The following MTFR1 variants were observed in gnomAD, a reference collection of about 807,000 sequenced individuals.
MTFR1 encodes the protein mitochondrial fission regulator 1.
Under a neutral mutation model 38.8 loss-of-function variants are expected in MTFR1, and 28 were observed. The observed-to-expected ratio is 0.72, with a 90% CI of 0.53 to 0.99. MTFR1 has a LOEUF of 0.99. Ranked by LOEUF, MTFR1 falls within the 50% of genes least tolerant of loss-of-function variation. The probability of loss-of-function intolerance (pLI) is 0.00; values close to 1 mark genes in which losing one functional copy is unlikely to be tolerated. For synonymous variants in MTFR1, 145 were observed against 137.0 expected (o/e 1.06, Z -0.41); for missense variants, 358 against 395.5 (o/e 0.91, Z 0.81).
At chr8:65,731,310 C>T (rs1452667890) in intron 3 of MTFR1, among the ~76,000 whole-genome samples, 1 of 152,078 alleles carries the variant, frequency 6.6e-6, no homozygotes, top group Non-Finnish European at 1.5e-5. Flanking sequence ...ATGCGGGGGC[C>T]AGGGAGGGAC....
intron 3 of MTFR1, among the ~76,000 whole-genome samples, chr8:65,720,754 G>A (rs1464723726): frequency 6.6e-6 from 1 of 152,194 alleles, no homozygotes; most frequent in African/African-American, 2.4e-5. Flanking sequence ...CTGGTGAGGA[G>A]AAAGAGATAA....
downstream of MTFR1, among the ~76,000 whole-genome samples, chr8:65,713,937 C>T (rs1806031034): frequency 6.6e-6 from 1 of 152,054 alleles, no homozygotes; most frequent in Non-Finnish European, 1.5e-5. Flanking sequence ...ATCTGTCCGC[C>T]TCAGCCTCCC....
chr8:65,695,726 G>T (rs1003200005), intron 4 of MTFR1, among the ~76,000 whole-genome samples: 2 of 152,128 alleles, frequency 1.3e-5, no homozygotes, highest in African/African-American at 4.8e-5. Context: ...GTCTAGTCTG[G>T]AATATATTAT....
chr8:65,675,366 C>A (rs1804683027), intron 2 of MTFR1, among the ~76,000 whole-genome samples: 1 of 151,712 alleles, frequency 6.6e-6, no homozygotes, highest in South Asian at 2.1e-4. Flanking sequence ...GAGGCCGAGG[C>A]GGGTGGATCA....
intron 3 of MTFR1, among the ~76,000 whole-genome samples, chr8:65,740,962 A>C (rs1451140635): frequency 6.6e-6 from 1 of 152,206 alleles, no homozygotes; most frequent in Admixed American, 6.5e-5. Context: ...TGCTACACGC[A>C]ATGGGGACTG....
At chr8:65,679,018 A>G (rs2129053013) in intron 2 of MTFR1, among the ~76,000 whole-genome samples, 1 of 152,350 alleles carries the variant, frequency 6.6e-6, no homozygotes, top group South Asian at 2.1e-4. Flanking sequence ...GAAGAATGCT[A>G]AAAGCAGGCA....
intron 3 of MTFR1, among the ~76,000 whole-genome samples, chr8:65,732,251 G>A (rs910076477): frequency 2.0e-5 from 3 of 151,724 alleles, no homozygotes; most frequent in South Asian, 2.1e-4. Flanking sequence ...CACCAGCCTC[G>A]GCCTCCCAAA....
chr8:65,761,057 GT>G (rs561461159), intron 3 of MTFR1, among the ~76,000 whole-genome samples: 2 of 151,220 alleles, frequency 1.3e-5, no homozygotes, highest in Non-Finnish European at 3.0e-5. Context: ...TACCAATATT[GT>G]TTTTTCTTTT....
chr8:65,697,699 G>T (rs1805486187), intron 4 of MTFR1, among the ~76,000 whole-genome samples: 1 of 152,180 alleles, frequency 6.6e-6, no homozygotes, highest in South Asian at 2.1e-4. Context: ...TCAAGAAACT[G>T]ACAAGCTGTT....
intron 2 of MTFR1, chr8:65,679,743 C>G (rs1001957654): frequency 2.0e-5 from 3 of 152,138 alleles, no homozygotes; most frequent in Non-Finnish European, 4.4e-5. Flanking sequence ...GTAGAACTTG[C>G]GAGGCTTCCC....
intron 3 of MTFR1, among the ~76,000 whole-genome samples, chr8:65,751,651 C>T (rs1364038465): frequency 2.6e-5 from 4 of 152,122 alleles, no homozygotes; most frequent in Admixed American, 2.6e-4. Flanking sequence ...GGCCACCACA[C>T]CCAGCTAATT....
Position 65,652,803 on chromosome 8 carries a change from A to G in MTFR1, c.-81+8019A>G, listed in dbSNP as rs547510193. 3.9e-5 allele frequency among the ~76,000 whole-genome samples: 6 copies of G among 152,340 alleles called. No individual in the cohort carries two copies. In the East Asian group the frequency reaches 1.2e-3, roughly 29 times the overall value. On this transcript the variant is annotated intron_variant, in intron 1 of 7. Transcript: ENST00000262146. Reference sequence around the variant, plus strand: ...CAAATACAAGATTACATCATCTGTAAACAAGGATAATTTGACTTCTTCCTT... The same window carrying G: ...CAAATACAAGATTACATCATCTGTAGACAAGGATAATTTGACTTCTTCCTT...
intron 3 of MTFR1, among the ~76,000 whole-genome samples, chr8:65,766,183 T>A (rs947692089): frequency 6.6e-6 from 1 of 152,182 alleles, no homozygotes; most frequent in African/African-American, 2.4e-5. Flanking sequence ...TGACCTCAGG[T>A]GATCCACCCG....
intron 1 of MTFR1, among the ~76,000 whole-genome samples, chr8:65,669,189 A>G (rs531916995): frequency 6.6e-6 from 1 of 152,282 alleles, no homozygotes; most frequent in South Asian, 2.1e-4. Flanking sequence ...GACTTGGTCT[A>G]GCAAATGGAC....
intron 1 of MTFR1, among the ~76,000 whole-genome samples, chr8:65,655,952 A>AAATATATATATATG (rs1309262215): frequency 2.7e-5 from 1 of 36,602 alleles, no homozygotes; most frequent in Admixed American, 2.0e-4. Context: ...AAAAAAAAAA[A>AAATATATATATATG]TATATATATA....
intron 3 of MTFR1, among the ~76,000 whole-genome samples, chr8:65,686,832 A>G (rs1175764021): frequency 5.9e-5 from 9 of 151,412 alleles, no homozygotes. Context: ...CTGAGGCAGG[A>G]AGAATTGCCT....
At chr8:65,730,663 C>T (rs1192810344) in intron 3 of MTFR1, among the ~76,000 whole-genome samples, 1 of 152,166 alleles carries the variant, frequency 6.6e-6, no homozygotes, top group Non-Finnish European at 1.5e-5. Context: ...CATGGTGGCT[C>T]ATGCCTGTAA....
intron 2 of MTFR1, among the ~76,000 whole-genome samples, chr8:65,678,252 C>G (rs1031595272): frequency 6.6e-6 from 1 of 152,070 alleles, no homozygotes; most frequent in Non-Finnish European, 1.5e-5. Context: ...TTCACTGTTT[C>G]TGTACAGCCA....
chr8:65,663,847 C>T (rs1309943700), intron 1 of MTFR1, among the ~76,000 whole-genome samples: 6 of 110,080 alleles, frequency 5.5e-5, no homozygotes, highest in African/African-American at 1.8e-4. Flanking sequence ...TTTTTTGAGA[C>T]GGAGCCTCAC....
Sources: gnomAD v4.1 joint callset for allele counts (sites outside exome capture counted in the v4.1 genomes callset) on GRCh38, gnomAD v4.1.1 for gene constraint, MANE v1.5 for transcripts, NCBI Gene and HGNC (gene_info 2026-07-23, HGNC 2026-07-21) for gene names.